JAK1: variants seen among roughly 807,000 people sequenced by gnomAD.
JAK1 encodes Janus kinase 1, also known as tyrosine-protein kinase JAK1.
JAK1 carries 16 observed loss-of-function variants against 136.6 expected under a neutral mutation model. That is an observed-to-expected ratio of 0.12 (90% CI 0.08 to 0.18). The LOEUF (loss-of-function observed/expected upper bound fraction) is 0.18, where lower values mean the gene tolerates loss of function less well. Ranked by LOEUF, JAK1 falls within the 10% of genes least tolerant of loss-of-function variation. JAK1 has a pLI of 1.00. For missense variants in JAK1, 859 were observed against 1,450.1 expected (o/e 0.59, Z 6.62); for synonymous variants, 492 against 519.5 (o/e 0.95, Z 0.72).
chr1:64,935,782 G>T (rs1254468100), intron 1 of JAK1, among the ~76,000 whole-genome samples: 1 of 152,126 alleles, frequency 6.6e-6, no homozygotes, highest in Non-Finnish European at 1.5e-5. Flanking sequence ...TGATGCTAAG[G>T]GAGAAGAAAA....
chr1:64,910,771 G>A (rs1285338589), intron 1 of JAK1, among the ~76,000 whole-genome samples: 1 of 150,334 alleles, frequency 6.7e-6, no homozygotes, highest in Non-Finnish European at 1.5e-5. Flanking sequence ...TTGAACCTGG[G>A]AGGCAGAGGT....
intron 1 of JAK1, among the ~76,000 whole-genome samples, chr1:64,922,159 C>A (rs1570779157): frequency 6.6e-6 from 1 of 151,688 alleles, no homozygotes; most frequent in African/African-American, 2.4e-5. Context: ...AAAAAAAAAA[C>A]CACAACAACA....
chr1:64,964,795 T>A (rs1646343209), intron 1 of JAK1, among the ~76,000 whole-genome samples: 1 of 152,246 alleles, frequency 6.6e-6, no homozygotes, highest in South Asian at 2.1e-4. Flanking sequence ...GTATGATGTC[T>A]TCACATCTTT....
chr1:64,861,637 AG>A (rs1041821595), intron 8 of JAK1, among the ~76,000 whole-genome samples: 9 of 152,226 alleles, frequency 5.9e-5, no homozygotes, highest in African/African-American at 2.2e-4. Flanking sequence ...AAGGAGAGGC[AG>A]GTGGCAGAAA....
At chr1:65,007,232 G>C (rs79948327) in intron 2 of JAK1, among the ~76,000 whole-genome samples, 5 of 152,138 alleles carry the variant, frequency 3.3e-5, no homozygotes, top group Non-Finnish European at 7.3e-5. Flanking sequence ...GTGGGTTCCC[G>C]AAAGGAAGAA....
At chr1:64,912,963 A>G (rs1645309888) in intron 1 of JAK1, among the ~76,000 whole-genome samples, 1 of 152,240 alleles carries the variant, frequency 6.6e-6, no homozygotes, top group Non-Finnish European at 1.5e-5. Flanking sequence ...GGATAAGGTA[A>G]AATGAGCTTC....
intron 13 of JAK1, 63 bp from the exon 14 acceptor site, chr1:64,846,799 C>T: frequency 2.3e-6 from 3 of 1,322,678 alleles, no homozygotes; most frequent in African/African-American, 2.9e-5. Context: ...TCCCCAGGGG[C>T]TCTGTTGAGG....
At chr1:65,041,275 T>C (rs1438774687) in intron 2 of JAK1, among the ~76,000 whole-genome samples, 1 of 152,134 alleles carries the variant, frequency 6.6e-6, no homozygotes, top group Non-Finnish European at 1.5e-5. Context: ...TCCCAGTGGG[T>C]GATTTTCTCA....
intron 1 of JAK1, among the ~76,000 whole-genome samples, chr1:65,060,147 T>C (rs1445628926): frequency 6.7e-6 from 1 of 149,976 alleles, no homozygotes; most frequent in Admixed American, 6.7e-5. Context: ...AAAAAAAAAA[T>C]CACAGTTGGA....
chr1:65,067,212 C>T (rs1328957428), intron 1 of JAK1, among the ~76,000 whole-genome samples: 1 of 150,996 alleles, frequency 6.6e-6, no homozygotes, highest in East Asian at 2.0e-4. Context: ...GCGTGCGGTC[C>T]CCGGAGGAGG....
chr1:64,878,556 AGTGT>A (rs1368449732), intron 4 of JAK1, among the ~76,000 whole-genome samples: 1 of 109,242 alleles, frequency 9.2e-6, no homozygotes, highest in African/African-American at 3.5e-5. Flanking sequence ...TTATATATAT[AGTGT>A]GTATATATAT....
chr1:64,889,313 C>A lies in JAK1; in HGVS notation c.-77-2972G>T, dbSNP rs138560117. 1.1e-4 allele frequency among the ~76,000 whole-genome samples: 17 copies of A among 152,156 alleles called. No homozygotes were observed. The East Asian group carries it at 3.3e-3, about 29-fold the overall frequency. On this transcript the variant is annotated intron_variant, in intron 1 of 24. Coordinates refer to ENST00000342505, the MANE Select transcript of JAK1 (RefSeq NM_002227.4). ...AACATGATTCACTGGGTTCAATTCC[C>A]AACTCAAATGAATATAAAGACACTT...
At position 64,855,694 on chromosome 1, in the gene JAK1, A is replaced by T; in HGVS notation, c.1463T>A (p.Val488Glu). The T allele has an allele frequency of 6.2e-7, 1 of 1,611,910 alleles. No homozygotes were observed. Among genetic ancestry groups the T allele is most frequent in the Non-Finnish European group, 8.5e-7 (1 of 1,178,248 alleles). Reference sequence around the variant, plus strand: ...CTTGAACTGCTTCTGGGCACCCTGCACCTGCTATTCGGGAAATGACCAGAA... The same window carrying T: ...CTTGAACTGCTTCTGGGCACCCTGCTCCTGCTATTCGGGAAATGACCAGAA... ...TVTCFEKSEQ[V>E]QGAQKQFKNF... The change falls in exon 11 of 25, where the codon GTG (valine) becomes GAG (glutamate). Residue 488 changes from valine (V) to glutamate (E), a missense_variant. Around this residue, in one of 4 missense-constraint regions of JAK1, gnomAD observed 409 missense variants for 753.8 expected, o/e 0.54. Coordinates refer to ENST00000342505, the MANE Select transcript of JAK1 (RefSeq NM_002227.4).
chr1:64,965,953 G>A lies in JAK1; in HGVS notation c.-78+380C>T, dbSNP rs139807968. ...GGCGGTCAAGTTCGCGGTACAAGGA[G>A]CTAGGGACGTCAGCCCTCCAGCCCG... On this transcript the variant is annotated intron_variant, in intron 1 of 24. Transcript: ENST00000342505. 3.9e-5 allele frequency among the ~76,000 whole-genome samples: 6 copies of A among 152,258 alleles called. No individual in the cohort carries two copies. In the East Asian group the frequency reaches 1.2e-3, roughly 29 times the overall value.
At chr1:64,958,530 A>G (rs1646230655) in intron 1 of JAK1, among the ~76,000 whole-genome samples, 1 of 152,204 alleles carries the variant, frequency 6.6e-6, no homozygotes, top group Non-Finnish European at 1.5e-5. Flanking sequence ...TTGCAGGTAC[A>G]CCTGGCAAAA....
chr1:64,942,245 A>G (rs1016797155), intron 1 of JAK1: 2 of 152,194 alleles, frequency 1.3e-5, no homozygotes, highest in Non-Finnish European at 2.9e-5. Flanking sequence ...GGAATTTATC[A>G]TCATTTCACT....
In JAK1 at chr1:65,060,734, G is replaced by A. The variant is rs530872561; in HGVS notation, c.-181+6870C>T. On this transcript the variant is annotated intron_variant, in intron 1 of 25. Transcript: ENST00000671954. ...GCAGTTTCAAGGAAGAAAAATATGG[G>A]TTTTCAAAATGGTATTTTTAAAATA... is the stretch of plus-strand genomic sequence containing the variant. 2.1e-3 allele frequency among the ~76,000 whole-genome samples: 321 copies of A among 152,230 alleles called. 1 individual carries two copies. Among genetic ancestry groups the A allele is most frequent in the Admixed American group, 5.1e-3 (78 of 15,286 alleles).
chr1:64,921,794 A>G (rs1645497765), intron 1 of JAK1, among the ~76,000 whole-genome samples: 1 of 152,072 alleles, frequency 6.6e-6, no homozygotes, highest in Non-Finnish European at 1.5e-5. Flanking sequence ...CCCTTTGTAC[A>G]GTGAGTTTCT....
At chr1:65,042,086 C>G (rs1438060536) in intron 2 of JAK1, among the ~76,000 whole-genome samples, 2 of 151,458 alleles carry the variant, frequency 1.3e-5, no homozygotes, top group African/African-American at 4.8e-5. Context: ...AAAAGAAAAA[C>G]AAAACAAAAA....
Sources: gnomAD v4.1 joint callset for allele counts (sites outside exome capture counted in the v4.1 genomes callset) on GRCh38, gnomAD v4.1.1 for gene constraint, gnomAD v4.1.1 regional missense constraint, MANE v1.5 for transcripts, NCBI Gene and HGNC (gene_info 2026-07-23, HGNC 2026-07-21) for gene names.